UGT1A9: variants seen among roughly 807,000 people sequenced by gnomAD.
UGT1A9 encodes the protein UDP-glucuronosyltransferase 1A9.
In UGT1A9, 35 loss-of-function variants were observed where a neutral mutation model predicts 45.0. The ratio of observed to expected loss-of-function variants is 0.78; its 90% CI spans 0.59 to 1.03. The LOEUF (loss-of-function observed/expected upper bound fraction) is 1.03, where lower values mean the gene tolerates loss of function less well. Ranked by LOEUF, UGT1A9 falls within the 50% of genes least tolerant of loss-of-function variation. The probability of loss-of-function intolerance (pLI) is 0.00; values close to 1 mark genes in which losing one functional copy is unlikely to be tolerated. For synonymous variants in UGT1A9, 278 were observed against 250.6 expected (o/e 1.11, Z -1.03); for missense variants, 687 against 666.6 (o/e 1.03, Z -0.34).
intron 1 of UGT1A9, chr2:233,729,592 C>G (rs1253832448): frequency 6.2e-7 from 1 of 1,613,966 alleles, no homozygotes; most frequent in African/African-American, 1.3e-5. Context: ...CCCCGTTAAC[C>G]TCTGCGCGGC....
chr2:233,701,802 C>T (rs2075652671), intron 1 of UGT1A9, among the ~76,000 whole-genome samples: 2 of 152,046 alleles, frequency 1.3e-5, no homozygotes, highest in Non-Finnish European at 2.9e-5. Context: ...TCAACGAGAA[C>T]AAAGACACAA....
intron 1 of UGT1A9, chr2:233,682,625 A>G (rs2074587539): frequency 1.2e-6 from 2 of 1,613,918 alleles, no homozygotes; most frequent in Non-Finnish European, 8.5e-7. Context: ...TGTCTTAGAA[A>G]TAGCCTCTGA....
chr2:233,724,740 T>G (rs2077303271), intron 1 of UGT1A9, among the ~76,000 whole-genome samples: 1 of 140,730 alleles, frequency 7.1e-6, no homozygotes, highest in South Asian at 2.6e-4. Flanking sequence ...GAGGGGCTCC[T>G]CACATCCCAG....
intron 1 of UGT1A9, among the ~76,000 whole-genome samples, chr2:233,703,330 TTCTC>T (rs558360323): frequency 1.8e-3 from 279 of 152,282 alleles, no homozygotes; most frequent in Middle Eastern, 6.8e-3. Context: ...ATTTTGAGTC[TTCTC>T]TCTTTTTTCT....
intron 1 of UGT1A9, among the ~76,000 whole-genome samples, chr2:233,730,416 T>C (rs934632657): frequency 4.6e-5 from 7 of 152,204 alleles, no homozygotes; most frequent in African/African-American, 1.7e-4. Flanking sequence ...GTTGACATGA[T>C]AATTTTTAGT....
chr2:233,697,365 A>G (rs2075386775), intron 1 of UGT1A9, among the ~76,000 whole-genome samples: 3 of 152,098 alleles, frequency 2.0e-5, no homozygotes, highest in Non-Finnish European at 4.4e-5. Context: ...TTGTTGGCAT[A>G]TAGAGTTCAC....
chr2:233,719,419 C>A (rs761827245), intron 1 of UGT1A9: 1 of 1,613,996 alleles, frequency 6.2e-7, no homozygotes, highest in Non-Finnish European at 8.5e-7. Flanking sequence ...TTACTAACGA[C>A]CAATTCAGAC....
rs188337732 is a variant in UGT1A9 at position 233,682,451 on chromosome 2, A to G, written c.855+9662A>G. 3.7e-6 allele frequency: 6 copies of G among 1,613,876 alleles called. No homozygotes were observed. The Admixed American group carries it at 6.7e-5, about 18-fold the overall frequency. ...CCCCTCTGTGGTCTTCGCCAGGGGA[A>G]TATTTTGCCACTATCTTGAAGAAGG... On this transcript the variant is annotated intron_variant, in intron 1 of 4. Transcript: ENST00000354728.
rs1042710 is a variant in UGT1A9 at position 233,772,562 on chromosome 2, A to G, written c.*3A>G. The G allele has an allele frequency of 6.2e-7, 1 of 1,613,458 alleles. No homozygotes were observed. The highest frequency in any genetic ancestry group is 8.5e-7 in the Non-Finnish European group (1 of 1,179,694). On this transcript the variant is annotated 3_prime_UTR_variant, in exon 5 of 5. Transcript: ENST00000354728. ...CCCACAAATCCAAGACCCATTGAGA[A>G]GTGGGTGGGAAATAAGGTAAAATTT...
At chr2:233,693,209 G>A (rs868688696) in intron 1 of UGT1A9, 1 of 1,614,180 alleles carries the variant, frequency 6.2e-7, no homozygotes, top group South Asian at 1.1e-5. Flanking sequence ...GCTTTTGAAA[G>A]AATCCAAATA....
At chr2:233,688,922 G>T (rs1298474821) in intron 1 of UGT1A9, among the ~76,000 whole-genome samples, 3 of 152,188 alleles carry the variant, frequency 2.0e-5, no homozygotes, top group Admixed American at 6.5e-5. Context: ...GCCAAGCAGG[G>T]AAGATGGCAG....
chr2:233,771,014 CGA>C (rs1700215366), intron 4 of UGT1A9: 2 of 152,012 alleles, frequency 1.3e-5, no homozygotes, highest in Admixed American at 1.3e-4. Context: ...AAAGCAGGAG[CGA>C]GAGAGAGTTG....
rs1699778109 is a variant in UGT1A9 at position 233,769,042 on chromosome 2, T to C, written c.1295+603T>C. Reference sequence around the variant, plus strand: ...AAAAGTTGCCATAATAGACATCTGATCCATAAGTTTCCTGCACAGAAAGAA... The same window carrying C: ...AAAAGTTGCCATAATAGACATCTGACCCATAAGTTTCCTGCACAGAAAGAA... On this transcript the variant is annotated intron_variant, in intron 4 of 4. Transcript: ENST00000354728. This position sits in a 1 kb window ranked among gnomAD's most constrained non-coding sequence, Gnocchi z 4.4. 1.3e-5 allele frequency among the ~76,000 whole-genome samples: 2 copies of C among 152,190 alleles called. No individual in the cohort carries two copies. The highest frequency in any genetic ancestry group is 2.9e-5 in the Non-Finnish European group (2 of 68,040).
At chr2:233,764,492 C>G (rs1698575712) in intron 1 of UGT1A9, among the ~76,000 whole-genome samples, 1 of 152,096 alleles carries the variant, frequency 6.6e-6, no homozygotes, top group African/African-American at 2.4e-5. Context: ...TGTTTATGGA[C>G]CTGTGGGTTC....
chr2:233,686,240 G>A (rs2074778858), intron 1 of UGT1A9, among the ~76,000 whole-genome samples: 1 of 151,054 alleles, frequency 6.6e-6, no homozygotes, highest in South Asian at 2.1e-4. Context: ...TTTGGAAATG[G>A]TTTCTGAGAT....
rs899779207 is a variant in UGT1A9 at position 233,690,760 on chromosome 2, T to TAC, written c.855+17985_855+17986dup. The TAC allele has an allele frequency of 2.3e-5, 21 of 905,564 alleles. No homozygotes were observed. The East Asian group carries it at 3.3e-4, about 14-fold the overall frequency. 56.1% of individuals were successfully genotyped at this position (905,564 alleles called of 1,614,324 possible). On this transcript the variant is annotated intron_variant, in intron 1 of 4. Transcript: ENST00000354728. ...CTCTGGCTAGTGTCCAGTGCAGACA[T>TAC]ACACACACACACACATACACACACA... is the stretch of plus-strand genomic sequence containing the variant.
At chr2:233,767,689 G>A (rs541366705) in intron 2 of UGT1A9, among the ~76,000 whole-genome samples, 160 bp from the exon 3 acceptor site, 3 of 152,308 alleles carry the variant, frequency 2.0e-5, no homozygotes, top group Non-Finnish European at 4.4e-5. Context: ...ACAAGATGCC[G>A]GAAGTTGCCA....
chr2:233,743,311 AT>A, intron 1 of UGT1A9: 5 of 650,736 alleles, frequency 7.7e-6, no homozygotes, highest in South Asian at 3.0e-5. Context: ...CTTGGTGGTG[AT>A]TTTTTTACCA....
At chr2:233,688,607 C>T (rs970672197) in intron 1 of UGT1A9, among the ~76,000 whole-genome samples, 1 of 152,040 alleles carries the variant, frequency 6.6e-6, no homozygotes, top group Non-Finnish European at 1.5e-5. Flanking sequence ...AGAATAACAC[C>T]CTCAGCAAAC....
Sources: gnomAD v4.1 joint callset for allele counts (sites outside exome capture counted in the v4.1 genomes callset) on GRCh38, gnomAD v4.1.1 for gene constraint, Gnocchi (gnomAD v3.1) non-coding constraint, MANE v1.5 for transcripts, NCBI Gene and HGNC (gene_info 2026-07-23, HGNC 2026-07-21) for gene names.